SCNN1A: variants seen among roughly 807,000 people sequenced by gnomAD.
SCNN1A encodes the protein sodium channel epithelial 1 subunit alpha.
SCNN1A carries 65 observed loss-of-function variants against 68.6 expected under a neutral mutation model. The ratio of observed to expected loss-of-function variants is 0.95; its 90% confidence interval spans 0.78 to 1.16. The LOEUF (loss-of-function observed/expected upper bound fraction) is 1.16. Ranked by LOEUF, SCNN1A falls within the 50% of genes most tolerant of loss-of-function variation. The pLI is 0.00. For synonymous variants in SCNN1A, 357 were observed against 353.3 expected (o/e 1.01, Z -0.12); for missense variants, 880 against 865.9 (o/e 1.02, Z -0.20).
Position 6,348,775 on chromosome 12 carries a change from G to C in SCNN1A, c.1581C>G (p.Phe527Leu). ...TGGTTTTGTAGTTCAGCTCCTTGAA[G>C]AAGATGTTGACTTTGGCCACTCCAT... is the stretch of plus-strand genomic sequence containing the variant. Reference protein sequence around the residue: ...KRNGVAKVNIFFKELNYKTNS... With the variant: ...KRNGVAKVNILFKELNYKTNS... The change falls in exon 12 of 13, where the codon TTC (phenylalanine) becomes TTG (leucine). Residue 527 changes from phenylalanine to leucine, a missense_variant. Coordinates refer to ENST00000228916, the MANE Select transcript of SCNN1A (RefSeq NM_001038.6). 6.2e-7 allele frequency: 1 copy of C among 1,613,934 alleles called. No individual in the cohort carries two copies. The highest frequency in any genetic ancestry group is 8.5e-7 in the Non-Finnish European group (1 of 1,179,974).
rs754247881 is a variant in SCNN1A, at chr12:6,355,726, G to A, written c.979+51C>T. On this transcript the variant is annotated intron_variant, in intron 5 of 12. Transcript: ENST00000228916. ...AGGAGGTGAGCTCAAGGTAAGTACA[G>A]GTGAGTGGCTGAAGCAGAGGGCGCC... is the stretch of plus-strand genomic sequence containing the variant. 3.9e-6 allele frequency: 5 copies of A among 1,275,126 alleles called. No individual in the cohort carries two copies. The African/African-American group carries it at 5.9e-5, about 15-fold the overall frequency. The allele number at this position is 1,275,126 out of a possible 1,614,324, so 79.0% of individuals were successfully genotyped here. A position where few individuals can be genotyped will look rare whatever the true frequency, so the allele number is the denominator to read the frequency against.
At chr12:6,349,659 T>C (rs1463407758) in intron 8 of SCNN1A, among the ~76,000 whole-genome samples, 1 of 152,056 alleles carries the variant, frequency 6.6e-6, no homozygotes, top group East Asian at 1.9e-4. Flanking sequence ...AAGTGAGCTA[T>C]GAGTGTGCCT....
In SCNN1A at chr12:6,358,323, T is replaced by C. The variant is rs148296809; in HGVS notation, c.876-2443A>G. ...GTAGAGAATTTAGAACCTTCATACA[T>C]TGCTGTTGGGAATGTTAAATGGTGT... On this transcript the variant is annotated intron_variant, in intron 4 of 12. Transcript: ENST00000228916. Among the ~76,000 whole-genome samples the C allele has an allele frequency of 7.4e-4, 113 of 152,284 alleles. 2 individuals carry two copies. The East Asian group carries it at 0.018, about 24-fold the overall frequency.
upstream of SCNN1A, chr12:6,375,770 G>T: frequency 7.1e-7 from 1 of 1,406,552 alleles, no homozygotes; most frequent in Non-Finnish European, 9.2e-7. Context: ...CAGGTGAGGG[G>T]CAAAGATCTG....
intron 2 of SCNN1A, among the ~76,000 whole-genome samples, chr12:6,364,994 T>C (rs947529036): frequency 6.6e-6 from 1 of 150,974 alleles, no homozygotes; most frequent in African/African-American, 2.4e-5. Flanking sequence ...TATATATATA[T>C]GGATTCAACA....
At chr12:6,375,320 T>C in intron 1 of SCNN1A, 185 bp downstream of exon 1, 1 of 1,439,258 alleles carries the variant, frequency 6.9e-7, no homozygotes, top group Non-Finnish European at 9.1e-7. Context: ...CCCCTCTCAC[T>C]CTAGGCCCTC....
In SCNN1A at chr12:6,349,429, T is replaced by G. The variant is rs752128530; in HGVS notation, c.1361-24A>C. 4.6e-6 allele frequency: 7 copies of G among 1,534,706 alleles called. No individual in the cohort carries two copies. In the East Asian group the frequency reaches 1.7e-4, roughly 37 times the overall value. ...CCCTGTGGGTACAGAGAGATGCCTGTTCTCCTAGGGCACCTCAGCTTTCTC... is the reference window on the plus strand; with the variant it reads ...CCCTGTGGGTACAGAGAGATGCCTGGTCTCCTAGGGCACCTCAGCTTTCTC... On this transcript the variant is annotated intron_variant, in intron 8 of 12. Transcript: ENST00000228916.
chr12:6,362,355 G>A (rs1470082060), intron 3 of SCNN1A, 114 bp from the exon 4 acceptor site: 15 of 927,336 alleles, frequency 1.6e-5, no homozygotes, highest in Middle Eastern at 2.3e-4. Context: ...GACAGGAGTC[G>A]GAAGCCAGGA....
rs1948386396 is a variant in SCNN1A at position 6,351,522 on chromosome 12, G to T, written c.1361-2117C>A. Among the ~76,000 whole-genome samples, 1 of 151,914 alleles carries T rather than the reference G, an allele frequency of 6.6e-6. No individual in the cohort carries two copies. The highest frequency in any genetic ancestry group is 2.1e-4 in the South Asian group (1 of 4,812). ...CCTGTATGTAGTCCCAGGTACTCGG[G>T]AAGCTGAGACAGGAGAATTGCTTGA... On this transcript the variant is annotated intron_variant, in intron 8 of 12. Transcript: ENST00000228916. The surrounding 1 kb of genome is among the most constrained non-coding windows in gnomAD (Gnocchi z 4.2).
At chr12:6,370,512 C>G (rs1382034132) in intron 2 of SCNN1A, among the ~76,000 whole-genome samples, 2 of 152,242 alleles carry the variant, frequency 1.3e-5, no homozygotes, top group South Asian at 2.1e-4. Flanking sequence ...ACAGAAGAGC[C>G]CATGCTCATC....
rs540601108 is a variant in SCNN1A at position 6,374,573 on chromosome 12, C to T, written c.211G>A (p.Ala71Thr). ...FFCNNTTIHGAIRLVCSQHNR... is the reference protein window; with the variant it reads ...FFCNNTTIHGTIRLVCSQHNR... ...TGCTGGGAGCACACCAGGCGGATGG[C>T]GCCGTGGATGGTGGTGTTGTTGCAG... The change falls in exon 2 of 13, where the codon GCC becomes ACC. Residue 71 changes from alanine (A) to threonine (T), a missense_variant. By Grantham distance (58) the Ala-to-Thr change is moderately conservative (BLOSUM62 0). Transcript: ENST00000228916. The surrounding 1 kb of genome is among the most constrained non-coding windows in gnomAD (Gnocchi z 6.2). The T allele has an allele frequency of 8.7e-6, 14 of 1,614,062 alleles. No individual in the cohort carries two copies. The highest frequency in any genetic ancestry group is 2.2e-5 in the South Asian group (2 of 91,070).
chr12:6,369,294 T>A (rs61916390), intron 2 of SCNN1A, among the ~76,000 whole-genome samples: 58 of 108,418 alleles, frequency 5.3e-4, no homozygotes, highest in East Asian at 1.7e-3. Context: ...GCCACCCTAC[T>A]CACCTCCCTC....
intron 2 of SCNN1A, among the ~76,000 whole-genome samples, chr12:6,364,504 C>T (rs1948641901): frequency 6.6e-6 from 1 of 152,028 alleles, no homozygotes. Flanking sequence ...GCCTGTAATC[C>T]CAGCATTTTG....
intron 12 of SCNN1A, 128 bp downstream of exon 12, chr12:6,348,599 C>T: frequency 1.2e-6 from 1 of 869,430 alleles, no homozygotes; most frequent in East Asian, 2.7e-5. Flanking sequence ...TGACCCTCTT[C>T]TTTGGTCCCC....
At chr12:6,364,226 G>GC (rs1247225165) in intron 2 of SCNN1A, 1 of 147,132 alleles carries the variant, frequency 6.8e-6, no homozygotes, top group African/African-American at 2.5e-5. Flanking sequence ...CACCCACCCC[G>GC]CCTCCCTCCT....
chr12:6,361,435 G>A (rs1278044042), intron 4 of SCNN1A, among the ~76,000 whole-genome samples: 1 of 152,052 alleles, frequency 6.6e-6, no homozygotes, highest in Non-Finnish European at 1.5e-5. Context: ...GGGAGAAAGG[G>A]GCCTTAGAAA....
chr12:6,353,659 A>C (rs189914641), intron 8 of SCNN1A: 4 of 75,340 alleles, frequency 5.3e-5, no homozygotes, highest in Middle Eastern at 4.7e-3. Context: ...GCGTGATCTC[A>C]GCTCACTGCA....
chr12:6,357,855 G>A lies in SCNN1A; in HGVS notation c.876-1975C>T, dbSNP rs186450933. On this transcript the variant is annotated intron_variant, in intron 4 of 12. Transcript: ENST00000228916. ...CTCTACTAAAAATACAAAATTAGCCGGGCACGGCGGCACATGCCTGTAATC... is the reference window on the plus strand; with the variant it reads ...CTCTACTAAAAATACAAAATTAGCCAGGCACGGCGGCACATGCCTGTAATC... 6.8e-4 allele frequency among the ~76,000 whole-genome samples: 104 copies of A among 152,266 alleles called. No individual in the cohort carries two copies. In the East Asian group the frequency reaches 0.019, roughly 27 times the overall value.
chr12:6,362,271 C>T, intron 3 of SCNN1A, 30 bp from the exon 4 acceptor site: 1 of 1,602,632 alleles, frequency 6.2e-7, no homozygotes, highest in Non-Finnish European at 8.6e-7. Context: ...TCAGAGGGGA[C>T]ACGCAGCCGG....
Sources: allele counts gnomAD v4.1 joint callset (sites outside exome capture counted in the v4.1 genomes callset), GRCh38; gene constraint gnomAD v4.1.1; non-coding constraint Gnocchi (gnomAD v3.1); transcripts MANE v1.5; gene names NCBI Gene and HGNC (gene_info 2026-07-23, HGNC 2026-07-21).